The following QTGAL variants were observed in gnomAD, a reference collection of about 807,000 sequenced individuals.
QTGAL encodes the protein BGnT-like protein 1.
chr17:83,006,557 C>G, the QTGAL span: 5 of 985,420 alleles, frequency 5.1e-6, no homozygotes, highest in South Asian at 1.9e-4. The surrounding 1 kb of genome is among the most constrained non-coding windows in gnomAD (Gnocchi z 5.8). Context: ...TCCCAGGGCA[C>G]GAGCACCCGA....
chr17:83,040,882 G>A, the QTGAL span, among the ~76,000 whole-genome samples: 19 of 152,080 alleles, frequency 1.2e-4, no homozygotes, highest in Non-Finnish European at 2.2e-4. Flanking sequence ...TGGCCAACAC[G>A]GTGAAACCCC....
chr17:83,048,030 CTCTT>C, the QTGAL span, among the ~76,000 whole-genome samples: 7 of 144,648 alleles, frequency 4.8e-5, no homozygotes, highest in Admixed American at 6.9e-5. Flanking sequence ...CTTTCTCTCT[CTCTT>C]TCTCTTTTTT....
chr17:83,013,497 C>T, the QTGAL span, among the ~76,000 whole-genome samples: 1 of 147,834 alleles, frequency 6.8e-6, no homozygotes, highest in African/African-American at 2.5e-5. Context: ...CCCCAGCACA[C>T]CCGTCCTGCC....
chr17:82,999,637 T>C, the QTGAL span, among the ~76,000 whole-genome samples: 1 of 152,224 alleles, frequency 6.6e-6, no homozygotes, highest in African/African-American at 2.4e-5. Flanking sequence ...GAAAAGCTTA[T>C]TAAGAAAATC....
the QTGAL span, among the ~76,000 whole-genome samples, chr17:82,970,456 A>T: frequency 1.3e-5 from 2 of 151,940 alleles, no homozygotes; most frequent in Non-Finnish European, 2.9e-5. Flanking sequence ...GCAGCCAGAC[A>T]CCTGGAGCTT....
chr17:82,959,722 G>A, the QTGAL span, among the ~76,000 whole-genome samples: 1 of 151,988 alleles, frequency 6.6e-6, no homozygotes, highest in Non-Finnish European at 1.5e-5. Context: ...GGCCGTGGGT[G>A]GCACGCGAGG....
At chr17:83,046,987 T>G in the QTGAL span, among the ~76,000 whole-genome samples, 1 of 152,238 alleles carries the variant, frequency 6.6e-6, no homozygotes. Flanking sequence ...GGAACCTGAC[T>G]CCATTCACAT....
At chr17:83,012,451 CTGTA>C in the QTGAL span, among the ~76,000 whole-genome samples, 2 of 152,364 alleles carry the variant, frequency 1.3e-5, no homozygotes, top group Non-Finnish European at 1.5e-5. Flanking sequence ...CCTTAGACGT[CTGTA>C]TGATTGATTC....
the QTGAL span, among the ~76,000 whole-genome samples, chr17:82,987,697 G>A: frequency 1.3e-5 from 2 of 152,208 alleles, no homozygotes; most frequent in Admixed American, 6.5e-5. Context: ...TTTGAAGTCA[G>A]GGAGTGTGAT....
chr17:82,993,583 C>G, the QTGAL span, among the ~76,000 whole-genome samples: 1 of 152,058 alleles, frequency 6.6e-6, no homozygotes, highest in African/African-American at 2.4e-5. Flanking sequence ...ATTTTCCAGA[C>G]AGAAAATCAA....
chr17:82,998,366 G>A, the QTGAL span, among the ~76,000 whole-genome samples: 43,228 of 151,840 alleles, frequency 0.28, 7,128 homozygotes, highest in East Asian at 0.39. Flanking sequence ...TTTGTTTTGA[G>A]ACGGAGTTTC....
chr17:82,950,149 C>T, the QTGAL span, among the ~76,000 whole-genome samples: 3 of 152,176 alleles, frequency 2.0e-5, no homozygotes, highest in Non-Finnish European at 4.4e-5. Flanking sequence ...GCCAGCTGCC[C>T]CTGGAAGAAC....
the QTGAL span, among the ~76,000 whole-genome samples, chr17:82,964,044 T>C: frequency 2.0e-5 from 3 of 151,230 alleles, no homozygotes; most frequent in Non-Finnish European, 4.4e-5. Flanking sequence ...GGTGGATTGC[T>C]TGAGCCCAGG....
the QTGAL span, among the ~76,000 whole-genome samples, chr17:82,957,662 C>T: frequency 6.6e-6 from 1 of 152,196 alleles, no homozygotes; most frequent in Admixed American, 6.5e-5. Context: ...CCTGCCCCAG[C>T]TGGACGTAGC....
At chr17:83,048,784 G>A in the QTGAL span, 1 of 1,610,810 alleles carries the variant, frequency 6.2e-7, no homozygotes. Flanking sequence ...GAGGATAATA[G>A]ACTGGAATTC....
chr17:82,994,416 T>C, the QTGAL span, among the ~76,000 whole-genome samples: 1,846 of 151,720 alleles, frequency 0.012, 42 homozygotes, highest in African/African-American at 0.042. Context: ...AAATTAGAAA[T>C]AAATCTAGGG....
At chr17:83,018,762 G>A in the QTGAL span, among the ~76,000 whole-genome samples, 4 of 152,196 alleles carry the variant, frequency 2.6e-5, no homozygotes, top group Non-Finnish European at 5.9e-5. Flanking sequence ...GCCATGGGTC[G>A]GACAGAGGTG....
the QTGAL span, among the ~76,000 whole-genome samples, chr17:82,993,221 A>G: frequency 6.6e-6 from 1 of 152,140 alleles, no homozygotes; most frequent in Non-Finnish European, 1.5e-5. Context: ...TGTTGCCTAC[A>G]AGAAACACAC....
the QTGAL span, among the ~76,000 whole-genome samples, chr17:83,007,680 G>A: frequency 6.6e-6 from 1 of 152,260 alleles, no homozygotes; most frequent in East Asian, 1.9e-4. Context: ...CTTCCACTGC[G>A]CATGCCCGAC....
Sources: gnomAD v4.1 joint callset for allele counts (sites outside exome capture counted in the v4.1 genomes callset) on GRCh38, gnomAD v4.1.1 for gene constraint, Gnocchi (gnomAD v3.1) non-coding constraint, MANE v1.5 for transcripts, NCBI Gene and HGNC (gene_info 2026-07-23, HGNC 2026-07-21) for gene names.